Variants in CCDC7 observed in about 807,000 individuals in gnomAD.
CCDC7 encodes the protein coiled-coil domain-containing protein 7.
A neutral mutation model predicts 196.9 loss-of-function variants in CCDC7; 183 were observed. The observed-to-expected ratio is 0.93, with a 90% CI of 0.82 to 1.05. CCDC7 has a LOEUF of 1.05. Among genes scored for constraint, CCDC7 ranks in the 50% least tolerant of loss-of-function variants. CCDC7 has a pLI of 0.00. For missense variants in CCDC7, 1,540 were observed against 1,482.2 expected (o/e 1.04, Z -0.64); for synonymous variants, 525 against 484.6 (o/e 1.08, Z -1.10).
chr10:32,643,242 A>T (rs746010386), intron 20 of CCDC7, among the ~76,000 whole-genome samples: 2 of 152,090 alleles, frequency 1.3e-5, no homozygotes, highest in Non-Finnish European at 2.9e-5. Context: ...CAACTTTTTC[A>T]TTTCATGAAA....
At chr10:32,837,742 G>A (rs537859224) in intron 33 of CCDC7, among the ~76,000 whole-genome samples, 173 of 152,128 alleles carry the variant, frequency 1.1e-3, no homozygotes, top group African/African-American at 4.0e-3. Context: ...ATACCATGCA[G>A]CCATAAAAAA....
At chr10:32,711,260 C>G (rs1258869015) in intron 24 of CCDC7, among the ~76,000 whole-genome samples, 1 of 151,826 alleles carries the variant, frequency 6.6e-6, no homozygotes, top group Non-Finnish European at 1.5e-5. Flanking sequence ...TTAAAAATCT[C>G]AATGGTTTTG....
intron 11 of CCDC7, among the ~76,000 whole-genome samples, chr10:32,538,672 T>C (rs553964482): frequency 2.0e-3 from 311 of 152,334 alleles, no homozygotes; most frequent in Middle Eastern, 0.01. Context: ...ATGCCTAGTT[T>C]ATTGAAGGTT....
intron 28 of CCDC7, among the ~76,000 whole-genome samples, chr10:32,775,412 T>A (rs1257906727): frequency 6.6e-6 from 1 of 152,160 alleles, no homozygotes; most frequent in African/African-American, 2.4e-5. Context: ...AACCAGAGAC[T>A]TTGCAAGATT....
At chr10:32,638,469 C>G (rs2066083165) in intron 20 of CCDC7, among the ~76,000 whole-genome samples, 1 of 152,194 alleles carries the variant, frequency 6.6e-6, no homozygotes, top group African/African-American at 2.4e-5. Context: ...AAGGCCTCTT[C>G]TGCATCTATT....
intron 24 of CCDC7, among the ~76,000 whole-genome samples, chr10:32,704,853 C>G (rs767975415): frequency 4.6e-5 from 7 of 152,166 alleles, no homozygotes; most frequent in Non-Finnish European, 8.8e-5. Context: ...TTTGCTAAGA[C>G]TGTTGGAAAA....
intron 16 of CCDC7, among the ~76,000 whole-genome samples, chr10:32,580,499 A>G (rs1448328560): frequency 6.6e-6 from 1 of 152,102 alleles, no homozygotes; most frequent in African/African-American, 2.4e-5. Flanking sequence ...CAAAATATTT[A>G]TAACTTTTGA....
intron 13 of CCDC7, among the ~76,000 whole-genome samples, chr10:32,563,743 C>A (rs1027994192): frequency 1.3e-5 from 2 of 152,014 alleles, no homozygotes; most frequent in Non-Finnish European, 2.9e-5. Flanking sequence ...GGCATGGGCA[C>A]GGACTTCATG....
chr10:32,506,943 C>T (rs2045274682), intron 9 of CCDC7, among the ~76,000 whole-genome samples: 1 of 152,280 alleles, frequency 6.6e-6, no homozygotes, highest in South Asian at 2.1e-4. Context: ...AATCTCTCTT[C>T]TTATATAAGT....
downstream of CCDC7, among the ~76,000 whole-genome samples, chr10:32,881,665 G>C (rs548749385): frequency 1.3e-5 from 2 of 152,214 alleles, no homozygotes; most frequent in African/African-American, 4.8e-5. Flanking sequence ...TAGCCAGCCA[G>C]TCATGTACCC....
At chr10:32,566,581 G>T (rs2056824499) in intron 14 of CCDC7, among the ~76,000 whole-genome samples, 1 of 152,158 alleles carries the variant, frequency 6.6e-6, no homozygotes, top group African/African-American at 2.4e-5. Flanking sequence ...AGCATAAGAT[G>T]TAAGTGTGTA....
intron 5 of CCDC7, among the ~76,000 whole-genome samples, chr10:32,470,109 G>A (rs2037636447): frequency 6.6e-6 from 1 of 152,146 alleles, no homozygotes; most frequent in Non-Finnish European, 1.5e-5. Flanking sequence ...CAGACTTCTA[G>A]TGCATTGCCC....
rs1054706235 is a variant in CCDC7 at position 32,537,831 on chromosome 10, T to A, written c.994-5469T>A. On this transcript the variant is annotated intron_variant, in intron 11 of 41. Coordinates refer to ENST00000639629, the Ensembl canonical transcript of CCDC7. ...TGTGCAGCCTTATTTCTGGCTTCTC[T>A]ATTCTGTTCCATTGGCCTAGGTGTC... Among the ~76,000 whole-genome samples, 3 of 152,298 alleles carry A rather than the reference T, an allele frequency of 2.0e-5. No individual in the cohort carries two copies. In the East Asian group the frequency reaches 5.8e-4, roughly 29 times the overall value.
At chr10:32,599,783 C>T (rs1336070977) in intron 18 of CCDC7, among the ~76,000 whole-genome samples, 1 of 152,106 alleles carries the variant, frequency 6.6e-6, no homozygotes, top group Non-Finnish European at 1.5e-5. Flanking sequence ...ATCCAATATG[C>T]AGGTTCTTAA....
At chr10:32,462,862 C>G in intron 4 of CCDC7, 155 bp from the exon 6 acceptor site, 4 of 1,301,238 alleles carry the variant, frequency 3.1e-6, no homozygotes, top group Non-Finnish European at 4.2e-6. Context: ...GTGCATTAGC[C>G]CCATTCTGAA....
intron 18 of CCDC7, among the ~76,000 whole-genome samples, chr10:32,628,015 G>A (rs1465769789): frequency 6.6e-6 from 1 of 151,778 alleles, no homozygotes; most frequent in Non-Finnish European, 1.5e-5. Flanking sequence ...TATTAGGGTA[G>A]TAGTGGTCTA....
At chr10:32,684,019 G>T (rs182668418) in intron 21 of CCDC7, among the ~76,000 whole-genome samples, 89 of 152,280 alleles carry the variant, frequency 5.8e-4, no homozygotes, top group Admixed American at 2.7e-3. Flanking sequence ...AAAGCTGTGG[G>T]CCTATTGTGT....
At chr10:32,790,602 C>G (rs1287910536) in intron 29 of CCDC7, among the ~76,000 whole-genome samples, 1 of 152,218 alleles carries the variant, frequency 6.6e-6, no homozygotes, top group Non-Finnish European at 1.5e-5. Flanking sequence ...CAAGTTGCCA[C>G]TGTGGTCTGT....
At chr10:32,521,635 C>G (rs1181190941) in intron 11 of CCDC7, among the ~76,000 whole-genome samples, 1 of 149,032 alleles carries the variant, frequency 6.7e-6, no homozygotes, top group African/African-American at 2.5e-5. Flanking sequence ...TCATACCATA[C>G]CATCTGCAAA....
Sources: gnomAD v4.1 joint callset for allele counts (sites outside exome capture counted in the v4.1 genomes callset) on GRCh38, gnomAD v4.1.1 for gene constraint, MANE v1.5 for transcripts, NCBI Gene and HGNC (gene_info 2026-07-23, HGNC 2026-07-21) for gene names.